Variants in MMP24 observed in about 807,000 individuals in gnomAD.
MMP24 encodes matrix metallopeptidase 24.
A neutral mutation model predicts 62.8 loss-of-function variants in MMP24; 25 were observed. The observed-to-expected ratio is 0.40, with a 90% confidence interval of 0.29 to 0.56. The LOEUF is 0.56. Among genes scored for constraint, MMP24 ranks in the 20% least tolerant of loss-of-function variants. MMP24 has a pLI of 0.50. For synonymous variants in MMP24, 319 were observed against 350.5 expected (o/e 0.91, Z 1.00); for missense variants, 634 against 853.6 (o/e 0.74, Z 3.21).
chr20:35,258,429 C>A (rs935014920), intron 4 of MMP24, among the ~76,000 whole-genome samples: 4 of 152,146 alleles, frequency 2.6e-5, no homozygotes, highest in Non-Finnish European at 4.4e-5. Flanking sequence ...GCTGACATGT[C>A]TCTTAAAGCC....
At position 35,267,227 on chromosome 20, in the gene MMP24, G is replaced by A. The variant is rs1394270197; in HGVS notation, c.1002G>A (p.Glu334=). Residue 334 remains glutamate (E), a synonymous_variant, in exon 6 of 9, where the codon GAG becomes GAA. Transcript: ENST00000246186. The part of the protein sequence containing the change: ...KIYGPPAEPL[E]PTRPLPTLPV... The stretch of plus-strand genomic sequence containing the variant: ...CAGGACCCCCAGCCGAGCCTCTGGA[G>A]CCCACAAGGCCACTCCCTACACTCC... 6.2e-7 allele frequency: 1 copy of A among 1,601,128 alleles called. No homozygotes were observed. The highest frequency in any genetic ancestry group is 8.5e-7 in the Non-Finnish European group (1 of 1,174,500).
At chr20:35,231,751 G>A (rs116554674) in intron 1 of MMP24, among the ~76,000 whole-genome samples, 16 of 152,164 alleles carry the variant, frequency 1.1e-4, no homozygotes, top group African/African-American at 3.9e-4. Context: ...CCCACACATA[G>A]CTCATAAACA....
At chr20:35,268,975 C>T (rs532939300) in intron 6 of MMP24, among the ~76,000 whole-genome samples, 128 of 149,062 alleles carry the variant, frequency 8.6e-4, no homozygotes, top group South Asian at 2.1e-3. Context: ...TGCAGTGAGC[C>T]GAGATTGCGC....
At chr20:35,272,057 C>T (rs930893513) in intron 8 of MMP24, 9 of 604,544 alleles carry the variant, frequency 1.5e-5, no homozygotes, top group African/African-American at 1.1e-4. Context: ...GGCAGAGAGA[C>T]GTTGTCATAG....
At chr20:35,232,780 A>G (rs113333458) in intron 1 of MMP24, among the ~76,000 whole-genome samples, 7,839 of 152,126 alleles carry the variant, frequency 0.052, 667 homozygotes, top group African/African-American at 0.18. Flanking sequence ...GGAGAGGGAG[A>G]CTGAGAGCAG....
At chr20:35,257,396 C>T (rs146218343) in intron 4 of MMP24, among the ~76,000 whole-genome samples, 34 of 152,240 alleles carry the variant, frequency 2.2e-4, no homozygotes, top group Middle Eastern at 3.4e-3. Flanking sequence ...TCGGTGTCAA[C>T]GAATGGCTGT....
At chr20:35,270,463 C>A (rs1312474722) in intron 7 of MMP24, among the ~76,000 whole-genome samples, 1 of 152,234 alleles carries the variant, frequency 6.6e-6, no homozygotes, top group Non-Finnish European at 1.5e-5. Flanking sequence ...CCTTGGAAAG[C>A]TGTGAGAAAT....
At chr20:35,229,832 C>A (rs878942847) in intron 1 of MMP24, among the ~76,000 whole-genome samples, 1 of 152,144 alleles carries the variant, frequency 6.6e-6, no homozygotes, top group Admixed American at 6.5e-5. Flanking sequence ...CCTACCCGTT[C>A]ATTTGAAACC....
At chr20:35,242,469 C>T (rs546765728) in intron 1 of MMP24, among the ~76,000 whole-genome samples, 2 of 152,112 alleles carry the variant, frequency 1.3e-5, no homozygotes, top group African/African-American at 4.8e-5. Flanking sequence ...TCCCCATGCT[C>T]AACAAATAAG....
intron 2 of MMP24, among the ~76,000 whole-genome samples, chr20:35,251,405 G>A (rs749896935): frequency 5.9e-5 from 9 of 152,134 alleles, no homozygotes; most frequent in African/African-American, 1.9e-4. Context: ...GATTACAGGC[G>A]TGAGCCACCG....
chr20:35,274,635 T>G lies in MMP24; in HGVS notation c.*26T>G. 6.4e-7 allele frequency: 1 copy of G among 1,552,766 alleles called. No homozygotes were observed. Among genetic ancestry groups the G allele is most frequent in the Non-Finnish European group, 8.7e-7 (1 of 1,145,406 alleles). ...GCAGCCCAGAGCCCTCTCTATCCAC[T>G]TGGTCTGGCCAGCCAGGCCCTTCCT... On this transcript the variant is annotated 3_prime_UTR_variant, in exon 9 of 9. Transcript: ENST00000246186. The surrounding 1 kb of genome is among the most constrained non-coding windows in gnomAD (Gnocchi z 5.1).
chr20:35,227,064 G>A lies in MMP24; in HGVS notation c.246+80G>A, dbSNP rs1264207741. ...GGGGCGGCACCGGGGACGGGCCTGG[G>A]CCGGGCCGCACCTACTGCCGAGGTC... On this transcript the variant is annotated intron_variant, in intron 1 of 8. Coordinates refer to ENST00000246186, the MANE Select transcript of MMP24 (RefSeq NM_006690.4). The A allele has an allele frequency of 4.2e-6, 4 of 963,362 alleles. No homozygotes were observed. In the South Asian group the frequency reaches 1.4e-4, roughly 33 times the overall value. The allele number at this position is 963,362 out of a possible 1,614,324, so 59.7% of individuals were successfully genotyped here.
Position 35,275,535 on chromosome 20 carries a change from C to T in MMP24, c.*926C>T, listed in dbSNP as rs146097442. On this transcript the variant is annotated 3_prime_UTR_variant, in exon 9 of 9. Coordinates refer to ENST00000246186, the MANE Select transcript of MMP24 (RefSeq NM_006690.4). Reference sequence around the variant, plus strand: ...AGGAAGATCCGAGTTTGTGACCGTCCTCCACTCCCCTCTATTGTCACTGTC... The same window carrying T: ...AGGAAGATCCGAGTTTGTGACCGTCTTCCACTCCCCTCTATTGTCACTGTC... 6.1e-3 allele frequency: 926 copies of T among 152,664 alleles called. 10 individuals carry two copies. The highest frequency in any genetic ancestry group is 0.02 in the African/African-American group (837 of 41,570). 9.5% of individuals were successfully genotyped at this position (152,664 alleles called of 1,614,324 possible).
intron 4 of MMP24, among the ~76,000 whole-genome samples, chr20:35,255,068 C>T (rs146436669): frequency 2.6e-5 from 4 of 152,318 alleles, no homozygotes; most frequent in East Asian, 1.9e-4. Context: ...CAATGGCTCA[C>T]GCCTGTAATC....
chr20:35,256,598 A>G (rs1053911521), intron 4 of MMP24, among the ~76,000 whole-genome samples: 2 of 151,736 alleles, frequency 1.3e-5, no homozygotes, highest in Non-Finnish European at 1.5e-5. Flanking sequence ...AGGTGCCTGT[A>G]ATCCTAGCTA....
chr20:35,235,708 T>A (rs560393808), intron 1 of MMP24, among the ~76,000 whole-genome samples: 122 of 151,840 alleles, frequency 8.0e-4, no homozygotes, highest in Non-Finnish European at 1.3e-3. Flanking sequence ...CAAAAAAAAA[T>A]TTTTTTTAAT....
At chr20:35,229,783 A>G (rs1321970332) in intron 1 of MMP24, among the ~76,000 whole-genome samples, 1 of 152,058 alleles carries the variant, frequency 6.6e-6, no homozygotes, top group Admixed American at 6.5e-5. Flanking sequence ...CAGGCTGCCC[A>G]TATTTCTCTG....
intron 7 of MMP24, among the ~76,000 whole-genome samples, chr20:35,270,645 G>A (rs2060663871): frequency 6.6e-6 from 1 of 152,226 alleles, no homozygotes; most frequent in Non-Finnish European, 1.5e-5. Flanking sequence ...CATTTCTGAG[G>A]TGGTTCTGGA....
Position 35,271,954 on chromosome 20 carries a change from G to A in MMP24, c.1600+119G>A. 8.8e-7 allele frequency: 1 copy of A among 1,135,184 alleles called. No individual in the cohort carries two copies. The highest frequency in any genetic ancestry group is 1.6e-5 in the South Asian group (1 of 61,632). The allele number at this position is 1,135,184 out of a possible 1,614,324, so 70.3% of individuals were successfully genotyped here. On this transcript the variant is annotated intron_variant, in intron 8 of 8. Coordinates refer to ENST00000246186, the MANE Select transcript of MMP24 (RefSeq NM_006690.4). The surrounding 1 kb of genome is among the most constrained non-coding windows in gnomAD (Gnocchi z 4.0). ...AGGTTTGAAAAAACACCTGGTGGCAGACAACTGCCTCATATCTACCCATGT... is the reference window on the plus strand; with the variant it reads ...AGGTTTGAAAAAACACCTGGTGGCAAACAACTGCCTCATATCTACCCATGT...
Sources: gnomAD v4.1 joint callset for allele counts (sites outside exome capture counted in the v4.1 genomes callset) on GRCh38, gnomAD v4.1.1 for gene constraint, Gnocchi (gnomAD v3.1) non-coding constraint, MANE v1.5 for transcripts, NCBI Gene and HGNC (gene_info 2026-07-23, HGNC 2026-07-21) for gene names.